Variants in ADAMTS14 observed in about 807,000 individuals in gnomAD.
The protein encoded by ADAMTS14 is A disintegrin and metalloproteinase with thrombospondin motifs 14.
ADAMTS14 carries 100 observed loss-of-function variants against 128.6 expected under a neutral mutation model. That is an observed-to-expected ratio of 0.78 (90% confidence interval 0.66 to 0.92). ADAMTS14 has a LOEUF of 0.92. ADAMTS14 is among the 40% of genes least tolerant of loss of function. ADAMTS14 has a pLI of 0.00. For missense variants in ADAMTS14, 1,562 were observed against 1,658.6 expected, an observed-to-expected ratio of 0.94 and a Z score of 1.01; for synonymous variants, 665 against 653.8, an observed-to-expected ratio of 1.02 and a Z score of -0.26.
intron 3 of ADAMTS14, among the ~76,000 whole-genome samples, chr10:70,704,617 C>T (rs1046912705): frequency 3.3e-5 from 5 of 150,326 alleles, no homozygotes; most frequent in East Asian, 2.0e-4. Context: ...CATACACCCA[C>T]GATCACACAT....
chr10:70,688,259 C>T (rs1205979845), intron 2 of ADAMTS14, among the ~76,000 whole-genome samples: 4 of 56,070 alleles, frequency 7.1e-5, no homozygotes, highest in Non-Finnish European at 3.6e-5. Context: ...CTCCCCACAT[C>T]TCAGATGATG....
chr10:70,746,695 C>T (rs1230113448), intron 15 of ADAMTS14, among the ~76,000 whole-genome samples: 1 of 152,178 alleles, frequency 6.6e-6, no homozygotes, highest in Non-Finnish European at 1.5e-5. Flanking sequence ...TGCCTGTAGT[C>T]CTAAGCTAGT....
At chr10:70,732,211 G>A (rs762910345) in intron 6 of ADAMTS14, 43 bp from the exon 7 acceptor site, 15 of 1,560,758 alleles carry the variant, frequency 9.6e-6, no homozygotes, top group Non-Finnish European at 1.1e-5. Flanking sequence ...TGCCTCACCT[G>A]CCCTCCACCT....
rs2541232 is a variant in ADAMTS14 at position 70,761,174 on chromosome 10, G to A, written c.*321G>A. 0.49 allele frequency: 131,349 copies of A among 266,890 alleles called. 32,880 individuals are homozygous for A. The highest frequency in any genetic ancestry group is 0.52 in the Non-Finnish European group (74,018 of 141,206). The allele number at this position is 266,890 out of a possible 1,614,324, so 16.5% of individuals were successfully genotyped here. On this transcript the variant is annotated 3_prime_UTR_variant, in exon 22 of 22. Transcript: ENST00000373207. ...CCTCACAGACCCTGGGCCTGGGCAG[G>A]TCTGAATCCCGGCTGGTCTGTAGCT...
rs1485675752 is a variant in ADAMTS14 at position 70,759,129 on chromosome 10, T to TTTTTTTTTTTTTTTTTTTTTGAG, written c.3178+844_3178+845insTTTTTTTTTTTTTTTTTTTTGAG. On this transcript the variant is annotated intron_variant, in intron 21 of 21. Coordinates refer to ENST00000373207, the MANE Select transcript of ADAMTS14 (RefSeq NM_080722.4). ...AAAGGACCTTCTACCTCCAATCTTC[T>TTTTTTTTTTTTTTTTTTTTTGAG]ACTTCTCTGCTCCTAGGCTGAGGTT... Among the ~76,000 whole-genome samples, 18 of 112,600 alleles carry TTTTTTTTTTTTTTTTTTTTTGAG rather than the reference T, an allele frequency of 1.6e-4. 1 individual carries two copies. The highest frequency in any genetic ancestry group is 4.0e-4 in the African/African-American group (12 of 30,256). The allele number at this position is 112,600 out of a possible 152,430, so 73.9% of individuals were successfully genotyped here.
intron 16 of ADAMTS14, 28 bp downstream of exon 16, chr10:70,750,013 C>G: frequency 6.2e-7 from 1 of 1,607,256 alleles, no homozygotes; most frequent in Non-Finnish European, 8.5e-7. Flanking sequence ...CGGTGGCAAC[C>G]CCTGCCCACC....
At chr10:70,733,085 A>G (rs1341897670) in intron 7 of ADAMTS14, among the ~76,000 whole-genome samples, 1 of 152,010 alleles carries the variant, frequency 6.6e-6, no homozygotes, top group African/African-American at 2.4e-5. Context: ...GCCCTGTTAG[A>G]TTTTATCCCA....
At position 70,672,878 on chromosome 10, in the gene ADAMTS14, A is replaced by G. The variant is rs2132516961; in HGVS notation, c.76A>G (p.Thr26Ala). Residue 26 changes from threonine to alanine, a missense_variant, in exon 1 of 22, where the codon ACC becomes GCC. By Grantham distance (58) the Thr-to-Ala change is moderately conservative. Coordinates refer to ENST00000373207, the MANE Select transcript of ADAMTS14 (RefSeq NM_080722.4). ...GCTCTGCGCCGCCGCGGGCAGCCGG[A>G]CCCCAGGTGCGTGCGGGTTGGGCGC... ...CALCAAAGSR[T>A]PELHLSGKLS... The G allele has an allele frequency of 6.7e-7, 1 of 1,490,726 alleles. No individual in the cohort carries two copies. Among genetic ancestry groups the G allele is most frequent in the Non-Finnish European group, 8.9e-7 (1 of 1,126,368 alleles). The allele number at this position is 1,490,726 out of a possible 1,614,324, so 92.3% of individuals were successfully genotyped here.
intron 4 of ADAMTS14, among the ~76,000 whole-genome samples, chr10:70,718,959 G>A (rs556165890): frequency 6.6e-6 from 1 of 151,854 alleles, no homozygotes; most frequent in African/African-American, 2.4e-5. Context: ...GCCCCCCAGA[G>A]TGCTGGGATT....
Position 70,749,879 on chromosome 10 carries a change from C to G in ADAMTS14, c.2321C>G (p.Thr774Arg), listed in dbSNP as rs754005853. The G allele has an allele frequency of 6.2e-7, 1 of 1,614,136 alleles. No homozygotes were observed. Among genetic ancestry groups the G allele is most frequent in the Non-Finnish European group, 8.5e-7 (1 of 1,180,034 alleles). ...FILNPKGKEA[T>R]SRTFTAMGLE... is the part of the protein sequence containing the mutation. ...CTCAACCCCAAGGGCAAGGAAGCCACAAGCCGGACCTTCACCGCCATGGGC... is the reference window on the plus strand; with the variant it reads ...CTCAACCCCAAGGGCAAGGAAGCCAGAAGCCGGACCTTCACCGCCATGGGC... The change falls in exon 16 of 22, where the codon ACA (threonine) becomes AGA (arginine). Residue 774 changes from threonine (T) to arginine (R), a missense_variant. By Grantham distance (71) the Thr-to-Arg change is moderately conservative. Transcript: ENST00000373207.
At chr10:70,689,750 G>T (rs562549327) in intron 2 of ADAMTS14, among the ~76,000 whole-genome samples, 5 of 145,410 alleles carry the variant, frequency 3.4e-5, no homozygotes, top group South Asian at 4.4e-4. Flanking sequence ...GTCCTCCATG[G>T]TTCGCGGCAT....
Position 70,760,742 on chromosome 10 carries a change from G to A in ADAMTS14, c.3561G>A (p.Leu1187=). 1.2e-6 allele frequency: 2 copies of A among 1,613,968 alleles called. No homozygotes were observed. The highest frequency in any genetic ancestry group is 2.2e-5 in the South Asian group (2 of 91,048). The change falls in exon 22 of 22, where the codon CTG becomes CTA. Residue 1187 remains leucine (L), a synonymous_variant. Transcript: ENST00000373207. ...TCTCCCCTACCACCCCCGGGGGGCTGCCTTGGGGCTGGACTCAGACACCTA... is the reference window on the plus strand; with the variant it reads ...TCTCCCCTACCACCCCCGGGGGGCTACCTTGGGGCTGGACTCAGACACCTA... ...WSISPTTPGG[L]PWGWTQTPTP...
At chr10:70,745,099 A>G in intron 14 of ADAMTS14, 127 bp from the exon 15 acceptor site, 1 of 829,908 alleles carries the variant, frequency 1.2e-6, no homozygotes, top group Non-Finnish European at 1.9e-6. Context: ...ATGAGGATAC[A>G]GAGATTCAGA....
At chr10:70,724,180 C>G (rs1310263042) in intron 4 of ADAMTS14, among the ~76,000 whole-genome samples, 1 of 152,168 alleles carries the variant, frequency 6.6e-6, no homozygotes, top group Non-Finnish European at 1.5e-5. Context: ...AGTGTCCTGA[C>G]TTTTGCTTGT....
chr10:70,743,705 G>T, intron 13 of ADAMTS14, 24 bp downstream of exon 13: 1 of 1,548,224 alleles, frequency 6.5e-7, no homozygotes. Context: ...CAGCCACCCC[G>T]ACTACCGGCA....
At chr10:70,713,052 GA>G (rs1281344293) in intron 4 of ADAMTS14, among the ~76,000 whole-genome samples, 1 of 152,206 alleles carries the variant, frequency 6.6e-6, no homozygotes, top group East Asian at 1.9e-4. Context: ...TGAGTTTTCT[GA>G]GGGGGACCAC....
chr10:70,708,036 C>T (rs1016014101), intron 3 of ADAMTS14, among the ~76,000 whole-genome samples: 1 of 152,128 alleles, frequency 6.6e-6, no homozygotes, highest in African/African-American at 2.4e-5. Context: ...TGCTTTTAGC[C>T]AAAAGGGCAG....
intron 19 of ADAMTS14, among the ~76,000 whole-genome samples, chr10:70,756,900 C>A (rs1842489554): frequency 2.0e-5 from 3 of 152,176 alleles, no homozygotes; most frequent in Admixed American, 2.0e-4. Flanking sequence ...TTCATATAAT[C>A]AACTTTCACA....
chr10:70,722,549 G>A (rs548258458), intron 4 of ADAMTS14, among the ~76,000 whole-genome samples: 2 of 152,248 alleles, frequency 1.3e-5, no homozygotes, highest in Non-Finnish European at 2.9e-5. Flanking sequence ...CATCCTCCTT[G>A]GAGGTCCTTG....
Sources: allele counts gnomAD v4.1 joint callset (sites outside exome capture counted in the v4.1 genomes callset), GRCh38; gene constraint gnomAD v4.1.1; transcripts MANE v1.5; gene names NCBI Gene and HGNC (gene_info 2026-07-23, HGNC 2026-07-21).